The following CD2AP variants were observed in gnomAD, a reference collection of about 807,000 sequenced individuals.
CD2AP encodes the protein CD2-associated protein.
CD2AP carries 46 observed loss-of-function variants against 85.1 expected under a neutral mutation model. The ratio of observed to expected loss-of-function variants is 0.54; its 90% confidence interval spans 0.43 to 0.69. CD2AP has a LOEUF of 0.69. Ranked by LOEUF, CD2AP falls within the 30% of genes least tolerant of loss-of-function variation. The pLI is 0.00. For missense variants in CD2AP, 769 were observed against 729.5 expected (o/e 1.05, Z -0.62); for synonymous variants, 255 against 252.9 (o/e 1.01, Z -0.08).
At chr6:47,484,496 T>C (rs925536495) in intron 1 of CD2AP, among the ~76,000 whole-genome samples, 3 of 152,216 alleles carry the variant, frequency 2.0e-5, no homozygotes, top group African/African-American at 7.2e-5. Context: ...TAAAGGTGCT[T>C]TTATCCTAGA....
At chr6:47,617,948 C>G (rs1769637582) in intron 17 of CD2AP, among the ~76,000 whole-genome samples, 1 of 152,174 alleles carries the variant, frequency 6.6e-6, no homozygotes, top group Admixed American at 6.6e-5. Flanking sequence ...TCTTCTAATG[C>G]CCACGTTCTA....
chr6:47,491,530 T>G (rs1427543482), intron 1 of CD2AP, among the ~76,000 whole-genome samples: 1 of 152,132 alleles, frequency 6.6e-6, no homozygotes, highest in African/African-American at 2.4e-5. Flanking sequence ...ACAGACTCAG[T>G]TAGATGCCAT....
intron 4 of CD2AP, among the ~76,000 whole-genome samples, chr6:47,547,894 G>A (rs2151974): frequency 0.27 from 40,350 of 151,880 alleles, 5,511 homozygotes; most frequent in African/African-American, 0.31. Context: ...ATGCAAATAC[G>A]TGGAAATTAA....
chr6:47,522,265 A>G (rs1412367247), intron 2 of CD2AP, among the ~76,000 whole-genome samples: 1 of 152,194 alleles, frequency 6.6e-6, no homozygotes, highest in African/African-American at 2.4e-5. Context: ...TGATATCAAA[A>G]GAGAAGGTTA....
intron 4 of CD2AP, among the ~76,000 whole-genome samples, chr6:47,549,182 A>C (rs140362194): frequency 0.016 from 2,498 of 152,276 alleles, 34 homozygotes; most frequent in Middle Eastern, 0.024. Flanking sequence ...TCTTCAACAT[A>C]GTACTGGAAG....
chr6:47,498,204 A>G (rs867717897), intron 1 of CD2AP, among the ~76,000 whole-genome samples: 4 of 152,212 alleles, frequency 2.6e-5, no homozygotes, highest in Non-Finnish European at 4.4e-5. Context: ...GTTATATCCT[A>G]TGCTTGCCTG....
At chr6:47,500,429 C>G (rs1265662427) in intron 1 of CD2AP, among the ~76,000 whole-genome samples, 3 of 152,118 alleles carry the variant, frequency 2.0e-5, no homozygotes, top group Admixed American at 6.6e-5. Flanking sequence ...TGTGCATCCC[C>G]TTTCAGACAT....
At chr6:47,505,795 G>A (rs1490677834) in intron 2 of CD2AP, among the ~76,000 whole-genome samples, 7 of 101,444 alleles carry the variant, frequency 6.9e-5, no homozygotes, top group East Asian at 2.6e-4. Context: ...CTGGCCGGGC[G>A]GGGGGCTGAC....
At chr6:47,564,219 A>C (rs997358869) in intron 5 of CD2AP, among the ~76,000 whole-genome samples, 14 of 152,116 alleles carry the variant, frequency 9.2e-5, no homozygotes, top group African/African-American at 3.4e-4. Context: ...CTGTCTCCTG[A>C]GTTACTTTTG....
chr6:47,535,610 A>G (rs1252178610), intron 3 of CD2AP, among the ~76,000 whole-genome samples: 1 of 152,246 alleles, frequency 6.6e-6, no homozygotes, highest in Non-Finnish European at 1.5e-5. Flanking sequence ...TCTCAAGGAA[A>G]TACAATATCC....
chr6:47,587,007 A>G (rs1768647881), intron 11 of CD2AP, among the ~76,000 whole-genome samples: 1 of 152,176 alleles, frequency 6.6e-6, no homozygotes, highest in African/African-American at 2.4e-5. Flanking sequence ...AATAAGAAAA[A>G]TGTCAGTGTT....
At chr6:47,624,134 C>A in intron 17 of CD2AP, 52 bp from the exon 18 acceptor site, 1 of 1,391,738 alleles carries the variant, frequency 7.2e-7, no homozygotes, top group Non-Finnish European at 1.0e-6. Context: ...GTAAAATAAA[C>A]TACTAAACTA....
intron 5 of CD2AP, chr6:47,562,641 G>C (rs1279691994): frequency 4.1e-6 from 2 of 490,366 alleles, no homozygotes; most frequent in Non-Finnish European, 7.6e-6. Flanking sequence ...ATTGTTGCTG[G>C]AGATGTAATG....
intron 5 of CD2AP, 102 bp from the exon 6 acceptor site, chr6:47,573,962 C>A: frequency 9.8e-7 from 1 of 1,018,684 alleles, no homozygotes; most frequent in Non-Finnish European, 1.6e-6. Flanking sequence ...TTTTTTTCTA[C>A]TGTGTTTTAT....
At chr6:47,535,558 A>T (rs1016176548) in intron 3 of CD2AP, among the ~76,000 whole-genome samples, 1 of 152,222 alleles carries the variant, frequency 6.6e-6, no homozygotes, top group African/African-American at 2.4e-5. Context: ...AACAGATTTT[A>T]TGACACTTGG....
intron 2 of CD2AP, among the ~76,000 whole-genome samples, chr6:47,504,563 C>T (rs34785743): frequency 0.25 from 38,245 of 151,942 alleles, 5,516 homozygotes; most frequent in East Asian, 0.6. Context: ...ACTTATAATA[C>T]CTAGTAAAGT....
intron 17 of CD2AP, among the ~76,000 whole-genome samples, chr6:47,614,127 A>T (rs1000952101): frequency 1.3e-5 from 2 of 152,242 alleles, no homozygotes; most frequent in Non-Finnish European, 2.9e-5. Context: ...CTTCATATCA[A>T]CAATAAGGCT....
chr6:47,519,964 T>G (rs899164381), intron 2 of CD2AP, among the ~76,000 whole-genome samples: 2 of 152,198 alleles, frequency 1.3e-5, no homozygotes, highest in African/African-American at 4.8e-5. Context: ...TTAAACTAGA[T>G]AGTAAAAAAG....
intron 1 of CD2AP, among the ~76,000 whole-genome samples, chr6:47,495,004 T>C (rs565208634): frequency 6.6e-6 from 1 of 151,698 alleles, no homozygotes; most frequent in Admixed American, 6.6e-5. Context: ...TACAAAAAAA[T>C]TTCAAAAAAT....
Sources: allele counts gnomAD v4.1 joint callset (sites outside exome capture counted in the v4.1 genomes callset), GRCh38; gene constraint gnomAD v4.1.1; transcripts MANE v1.5; gene names NCBI Gene and HGNC (gene_info 2026-07-23, HGNC 2026-07-21).